Variants in SPATA33 observed in about 807,000 individuals in gnomAD.
The protein encoded by SPATA33 is spermatogenesis-associated protein 33.
SPATA33 carries 10 observed loss-of-function variants against 8.9 expected under a neutral mutation model. That is an observed-to-expected ratio of 1.12 (90% CI 0.69 to 1.90). The LOEUF (loss-of-function observed/expected upper bound fraction) is 1.90, where lower values mean the gene tolerates loss of function less well. Among genes scored for constraint, SPATA33 ranks in the 40% most tolerant of loss-of-function variants. The pLI is 0.00. For synonymous variants in SPATA33, 96 were observed against 72.8 expected (o/e 1.32, Z -1.63); for missense variants, 241 against 178.3 (o/e 1.35, Z -2.00).
At position 89,660,691 on chromosome 16, in the gene SPATA33, T is replaced by A. The variant is rs1298296691; in HGVS notation, c.211+2270T>A. On this transcript the variant is annotated intron_variant, in intron 2 of 2. Coordinates refer to ENST00000579310, the MANE Select transcript of SPATA33 (RefSeq NM_001271907.2). ...CATGGAATGTCCAGAAAAGGCACAT[T>A]TACAGAGAGAAGCAGATGAGTGGTT... 3.8e-6 allele frequency: 3 copies of A among 786,820 alleles called. No individual in the cohort carries two copies. In the African/African-American group the frequency reaches 5.4e-5, roughly 14 times the overall value. The allele number at this position is 786,820 out of a possible 1,614,324, so 48.7% of individuals were successfully genotyped here.
chr16:89,664,327 C>T (rs527642006), intron 2 of SPATA33, among the ~76,000 whole-genome samples: 10 of 138,840 alleles, frequency 7.2e-5, no homozygotes, highest in Admixed American at 1.6e-4. Context: ...TCCTGGAAGG[C>T]GGTTTGGTAA....
chr16:89,669,899 C>T lies in SPATA33; in HGVS notation c.*402C>T, dbSNP rs1448533784. ...CCCCACCCTGTGAGAAGCCACCGCCCCCTTCTCCAGTGCTCTCGGGGAGGG... is the reference window on the plus strand; with the variant it reads ...CCCCACCCTGTGAGAAGCCACCGCCTCCTTCTCCAGTGCTCTCGGGGAGGG... On this transcript the variant is annotated 3_prime_UTR_variant, in exon 3 of 3. Transcript: ENST00000579310. 4.5e-6 allele frequency: 1 copy of T among 222,296 alleles called. No individual in the cohort carries two copies. The highest frequency in any genetic ancestry group is 2.3e-5 in the African/African-American group (1 of 43,366). The allele number at this position is 222,296 out of a possible 1,614,324, so 13.8% of individuals were successfully genotyped here.
At position 89,658,283 on chromosome 16, in the gene SPATA33, C is replaced by G; in HGVS notation, c.73C>G (p.Pro25Ala). 6.2e-7 allele frequency: 1 copy of G among 1,614,190 alleles called. No individual in the cohort carries two copies. Among genetic ancestry groups the G allele is most frequent in the African/African-American group, 1.3e-5 (1 of 75,078 alleles). Residue 25 changes from proline (P) to alanine (A), a missense_variant, in exon 2 of 3, where the codon CCA (proline) becomes GCA (alanine). Physicochemically the swap from Pro to Ala is conservative, Grantham distance 27. Coordinates refer to ENST00000579310, the MANE Select transcript of SPATA33 (RefSeq NM_001271907.2). ...EQKKGSTYSV[P>A]KSKEKLMEKH... ...AAAGAAGGGATCCACCTATTCAGTT[C>G]CAAAATCTAAGGAGAAGTTGATGGA...
intron 2 of SPATA33, among the ~76,000 whole-genome samples, chr16:89,665,899 A>G (rs762669442): frequency 1.3e-5 from 2 of 151,662 alleles, no homozygotes; most frequent in African/African-American, 2.4e-5. Flanking sequence ...GGCCAACATG[A>G]TGAAAGCCCA....
intron 2 of SPATA33, among the ~76,000 whole-genome samples, chr16:89,663,104 A>G (rs1456079614): frequency 5.9e-5 from 9 of 151,684 alleles, no homozygotes; most frequent in Non-Finnish European, 1.0e-4. Context: ...TAACATTTTC[A>G]TGAAGGTAGA....
chr16:89,667,762 G>A (rs371222703), intron 2 of SPATA33, among the ~76,000 whole-genome samples: 2 of 152,258 alleles, frequency 1.3e-5, no homozygotes, highest in African/African-American at 2.4e-5. Flanking sequence ...TGCAGGCAGA[G>A]GGGGAGGCCA....
chr16:89,661,786 A>G (rs994787746), intron 2 of SPATA33, among the ~76,000 whole-genome samples: 9 of 152,160 alleles, frequency 5.9e-5, no homozygotes, highest in African/African-American at 1.7e-4. Flanking sequence ...CGCCTGAGAC[A>G]GTCAGATGGG....
chr16:89,664,091 C>G (rs2059994978), intron 2 of SPATA33, among the ~76,000 whole-genome samples: 1 of 152,174 alleles, frequency 6.6e-6, no homozygotes, highest in Non-Finnish European at 1.5e-5. Flanking sequence ...TGCCCTCCAG[C>G]CCCGGCGACA....
Position 89,661,088 on chromosome 16 carries a change from C to A in SPATA33, c.211+2667C>A, listed in dbSNP as rs79095988. 5.1e-4 allele frequency: 506 copies of A among 985,656 alleles called. 1 individual carries two copies. In the African/African-American group the frequency reaches 8.3e-3, roughly 16 times the overall value. 61.1% of individuals were successfully genotyped at this position (985,656 alleles called of 1,614,324 possible). On this transcript the variant is annotated intron_variant, in intron 2 of 2. Transcript: ENST00000579310. ...CCATAAAATCCAGAGAAAAGAAAAT[C>A]GTTTTAAACTGCTGAGGTTTGGGGT...
chr16:89,661,884 C>T (rs114050820), intron 2 of SPATA33, among the ~76,000 whole-genome samples: 2,905 of 152,150 alleles, frequency 0.019, 90 homozygotes, highest in African/African-American at 0.066. Flanking sequence ...AGGATGAGTC[C>T]GTGTTAATTT....
chr16:89,665,576 G>C (rs559996961), intron 2 of SPATA33, among the ~76,000 whole-genome samples: 1 of 151,792 alleles, frequency 6.6e-6, no homozygotes, highest in African/African-American at 2.4e-5. Flanking sequence ...GGCCTCCCAA[G>C]GTGCTGGGAT....
chr16:89,657,827 G>A (rs753224788), upstream of SPATA33: 2 of 1,512,090 alleles, frequency 1.3e-6, no homozygotes, highest in Admixed American at 4.3e-5. Context: ...GCTGGCGCGA[G>A]GACCTTTTGT....
In SPATA33 at chr16:89,658,284, C is replaced by A. The variant is rs1223273294; in HGVS notation, c.74C>A (p.Pro25Gln). ...EQKKGSTYSV[P>Q]KSKEKLMEKH... is the part of the protein sequence containing the mutation. Reference sequence around the variant, plus strand: ...AAGAAGGGATCCACCTATTCAGTTCCAAAATCTAAGGAGAAGTTGATGGAG... The same window carrying A: ...AAGAAGGGATCCACCTATTCAGTTCAAAAATCTAAGGAGAAGTTGATGGAG... The change falls in exon 2 of 3, where the codon CCA becomes CAA. Residue 25 changes from proline (P) to glutamine (Q), a missense_variant. Physicochemically the swap from Pro to Gln is moderately conservative, Grantham distance 76. Coordinates refer to ENST00000579310, the MANE Select transcript of SPATA33 (RefSeq NM_001271907.2). The A allele has an allele frequency of 1.9e-6, 3 of 1,614,182 alleles. No homozygotes were observed. The East Asian group carries it at 6.7e-5, about 36-fold the overall frequency.
intron 2 of SPATA33, 47 bp from the exon 3 acceptor site, chr16:89,669,239 G>T (rs2060065298): frequency 6.4e-7 from 1 of 1,552,368 alleles, no homozygotes; most frequent in African/African-American, 1.4e-5. Context: ...CATCGTGGAA[G>T]GAGCTTTCCA....
chr16:89,667,201 T>C (rs2060037953), intron 2 of SPATA33, among the ~76,000 whole-genome samples: 1 of 152,210 alleles, frequency 6.6e-6, no homozygotes, highest in African/African-American at 2.4e-5. Context: ...GACGCTGGCG[T>C]TACCACTAGA....
At chr16:89,666,891 C>T (rs1339282938) in intron 2 of SPATA33, among the ~76,000 whole-genome samples, 2 of 152,222 alleles carry the variant, frequency 1.3e-5, no homozygotes, top group African/African-American at 4.8e-5. Context: ...TTAGTACTTT[C>T]ACTAATTTGC....
At position 89,669,827 on chromosome 16, in the gene SPATA33, C is replaced by T. The variant is rs1180031476; in HGVS notation, c.*330C>T. 2.3e-5 allele frequency: 8 copies of T among 354,734 alleles called. No individual in the cohort carries two copies. The South Asian group carries it at 2.4e-4, about 10-fold the overall frequency. The allele number at this position is 354,734 out of a possible 1,614,324, so 22.0% of individuals were successfully genotyped here. ...CAGGCCCACCCCACCCTGTGAGAAC[C>T]TGCAGCCCCCTTCTCCAATGCTCTC... On this transcript the variant is annotated 3_prime_UTR_variant, in exon 3 of 3. Transcript: ENST00000579310.
chr16:89,660,960 T>C lies in SPATA33; in HGVS notation c.211+2539T>C, dbSNP rs1035003591. ...ACCTCAGGGGGAGCCAGCATCAGTG[T>C]CCAGCCCCAAGAGCTTCCCTGTACG... On this transcript the variant is annotated intron_variant, in intron 2 of 2. Transcript: ENST00000579310. The C allele has an allele frequency of 3.0e-4, 299 of 1,008,840 alleles. 1 individual carries two copies. The highest frequency in any genetic ancestry group is 1.4e-3 in the Admixed American group (23 of 16,894). 62.5% of individuals were successfully genotyped at this position (1,008,840 alleles called of 1,614,324 possible). A position where few individuals can be genotyped will look rare whatever the true frequency, so the allele number is the denominator to read the frequency against.
rs78809963 is a variant in SPATA33 at position 89,659,928 on chromosome 16, C to G, written c.211+1507C>G. 0.024 allele frequency: 3,731 copies of G among 152,324 alleles called. 688 individuals are homozygous for G. In the East Asian group the frequency reaches 0.51, roughly 21 times the overall value. The allele number at this position is 152,324 out of a possible 1,614,324, so 9.4% of individuals were successfully genotyped here. A position where few individuals can be genotyped will look rare whatever the true frequency, so the allele number is the denominator to read the frequency against. On this transcript the variant is annotated intron_variant, in intron 2 of 2. Coordinates refer to ENST00000579310, the MANE Select transcript of SPATA33 (RefSeq NM_001271907.2). ...GGAACCCCTCACAGGAGGGCGCAAC[C>G]CCCCACCGGAGGATGGAACCCTGCA...
Sources: allele counts gnomAD v4.1 joint callset (sites outside exome capture counted in the v4.1 genomes callset), GRCh38; gene constraint gnomAD v4.1.1; transcripts MANE v1.5; gene names NCBI Gene and HGNC (gene_info 2026-07-23, HGNC 2026-07-21).